CHD9: variants seen among roughly 807,000 people sequenced by gnomAD.
CHD9 encodes the protein ATP-dependent chromatin remodeler CHD9.
CHD9 carries 77 observed loss-of-function variants against 316.1 expected under a neutral mutation model. That is an observed-to-expected ratio of 0.24 (90% CI 0.20 to 0.29). CHD9 has a LOEUF of 0.29. CHD9 is among the 10% of genes least tolerant of loss of function. The probability of loss-of-function intolerance (pLI) is 1.00; values close to 1 mark genes in which losing one functional copy is unlikely to be tolerated. For missense variants in CHD9, 2,763 were observed against 3,438.1 expected (o/e 0.80, Z 4.91); for synonymous variants, 1,129 against 1,158.3 (o/e 0.97, Z 0.51).
intron 1 of CHD9, among the ~76,000 whole-genome samples, chr16:53,082,200 TTTTATTTATTTATTTATTTATTTA>T (rs142613847): frequency 1.8e-4 from 25 of 140,984 alleles, no homozygotes; most frequent in Admixed American, 7.8e-4. Context: ...CAGGAGAACA[TTTTATTTATTTATTTATTTATTTA>T]TTTATTTATT....
At chr16:53,100,219 C>G (rs2036734948) in intron 1 of CHD9, among the ~76,000 whole-genome samples, 1 of 152,184 alleles carries the variant, frequency 6.6e-6, no homozygotes, top group African/African-American at 2.4e-5. Flanking sequence ...GGACCGAATT[C>G]CCATTCCCAA....
intron 2 of CHD9, among the ~76,000 whole-genome samples, chr16:53,205,176 G>A (rs374771179): frequency 1.3e-5 from 2 of 152,116 alleles, no homozygotes; most frequent in Admixed American, 6.5e-5. Context: ...GGGGAGCAAG[G>A]CCTGTGACTT....
rs746510251 is a variant in CHD9, at chr16:53,255,747, G to A, written c.4177G>A (p.Glu1393Lys). The A allele has an allele frequency of 6.2e-7, 1 of 1,613,820 alleles. No homozygotes were observed. Among genetic ancestry groups the A allele is most frequent in the Non-Finnish European group, 8.5e-7 (1 of 1,179,802 alleles). ...LLRRTKTITIESEGRGSTFAK... is the reference protein window; with the variant it reads ...LLRRTKTITIKSEGRGSTFAK... ...ACGTCGTACAAAAACTATTACAATT[G>A]AATCAGAAGGACGTGGGTCAACATT... The change falls in exon 19 of 39, where the codon GAA becomes AAA. Residue 1393 changes from glutamate to lysine, a missense_variant. Around this residue, in one of 15 missense-constraint regions of CHD9, gnomAD observed 199 missense variants for 251.7 expected, o/e 0.79. Transcript: ENST00000447540.
intron 24 of CHD9, among the ~76,000 whole-genome samples, chr16:53,276,382 C>T (rs2052822569): frequency 1.3e-5 from 2 of 152,178 alleles, no homozygotes; most frequent in Non-Finnish European, 2.9e-5. Flanking sequence ...TACTGTTTAA[C>T]TGTTGTGGCT....
At chr16:53,225,994 A>G (rs1448251335) in intron 4 of CHD9, among the ~76,000 whole-genome samples, 2 of 152,132 alleles carry the variant, frequency 1.3e-5, no homozygotes, top group Non-Finnish European at 2.9e-5. Flanking sequence ...ATTCTTAACA[A>G]TAGTTTCTAA....
chr16:53,061,801 C>T (rs2032938212), intron 1 of CHD9, among the ~76,000 whole-genome samples: 1 of 152,170 alleles, frequency 6.6e-6, no homozygotes, highest in Non-Finnish European at 1.5e-5. Flanking sequence ...GAAATGTCTG[C>T]AGGTAACCTC....
At position 53,324,543 on chromosome 16, in the gene CHD9, C is replaced by G; in HGVS notation, c.8342C>G (p.Ala2781Gly). 1.2e-6 allele frequency: 2 copies of G among 1,613,676 alleles called. No individual in the cohort carries two copies. Among genetic ancestry groups the G allele is most frequent in the Non-Finnish European group, 1.7e-6 (2 of 1,179,638 alleles). The change falls in exon 39 of 39, where the codon GCA (alanine) becomes GGA (glycine). Residue 2781 changes from alanine (A) to glycine (G), a missense_variant. Coordinates refer to ENST00000447540, the MANE Select transcript of CHD9 (RefSeq NM_001308319.2). Reference sequence around the variant, plus strand: ...TCTCCTTCCACATCCTCTACTGCTGCATTAAATACAGCTGCAGCTGCCAAC... The same window carrying G: ...TCTCCTTCCACATCCTCTACTGCTGGATTAAATACAGCTGCAGCTGCCAAC... ...SSSPSTSSTA[A>G]LNTAAAANPL...
At chr16:53,238,076 A>G (rs2048783768) in intron 11 of CHD9, among the ~76,000 whole-genome samples, 1 of 152,188 alleles carries the variant, frequency 6.6e-6, no homozygotes, top group South Asian at 2.1e-4. Flanking sequence ...CAAATAATAT[A>G]TTGAGTTGGC....
chr16:53,260,078 A>G (rs751399435), intron 19 of CHD9, among the ~76,000 whole-genome samples: 2 of 152,148 alleles, frequency 1.3e-5, no homozygotes, highest in African/African-American at 2.4e-5. Context: ...TGTTCCTCAT[A>G]CTCATTTATA....
chr16:53,087,939 G>C (rs879499630), intron 1 of CHD9, among the ~76,000 whole-genome samples: 12 of 148,502 alleles, frequency 8.1e-5, no homozygotes, highest in African/African-American at 2.3e-4. Context: ...CAGAGCAAGA[G>C]TCTGTCTCAA....
chr16:53,065,652 A>AAAAAG (rs1417542067), intron 1 of CHD9, among the ~76,000 whole-genome samples: 1 of 150,942 alleles, frequency 6.6e-6, no homozygotes, highest in South Asian at 2.1e-4. Flanking sequence ...AAAAAAAAAA[A>AAAAAG]AAAAAAGGAA....
At chr16:53,303,158 G>A (rs1027678578) in intron 30 of CHD9, among the ~76,000 whole-genome samples, 4 of 149,430 alleles carry the variant, frequency 2.7e-5, no homozygotes, top group Non-Finnish European at 4.4e-5. Flanking sequence ...TCACAAATTC[G>A]TAAACTTTCT....
At chr16:53,061,334 T>C (rs777768115) in intron 1 of CHD9, among the ~76,000 whole-genome samples, 4 of 152,214 alleles carry the variant, frequency 2.6e-5, no homozygotes, top group Admixed American at 1.3e-4. Flanking sequence ...TGAATCTCCA[T>C]TGAACATTGT....
chr16:53,218,531 A>G (rs2046963250), intron 3 of CHD9, among the ~76,000 whole-genome samples: 1 of 152,154 alleles, frequency 6.6e-6, no homozygotes, highest in African/African-American at 2.4e-5. Flanking sequence ...TCCTTAGAGA[A>G]TCTTCATTTA....
intron 1 of CHD9, among the ~76,000 whole-genome samples, chr16:53,113,861 C>T (rs949487939): frequency 2.0e-5 from 3 of 151,972 alleles, no homozygotes; most frequent in Admixed American, 6.6e-5. Flanking sequence ...TGCACCACCA[C>T]GCCTGGCTAT....
intron 10 of CHD9, among the ~76,000 whole-genome samples, chr16:53,232,391 G>T (rs1391228465): frequency 1.3e-5 from 2 of 152,072 alleles, no homozygotes; most frequent in African/African-American, 2.4e-5. Flanking sequence ...ATCTCTTCTG[G>T]AGCTTTTCAA....
At chr16:53,057,186 T>C (rs1253232241) in intron 1 of CHD9, among the ~76,000 whole-genome samples, 1 of 151,742 alleles carries the variant, frequency 6.6e-6, no homozygotes, top group Non-Finnish European at 1.5e-5. Context: ...TTTAAAAAAA[T>C]ATGTTTGTGG....
chr16:53,252,647 A>G (rs1353794934), intron 17 of CHD9, among the ~76,000 whole-genome samples: 1 of 151,678 alleles, frequency 6.6e-6, no homozygotes, highest in Admixed American at 6.6e-5. Flanking sequence ...CACAATCTGT[A>G]CTTCTGACCA....
At position 53,231,635 on chromosome 16, in the gene CHD9, AT is replaced by A. The variant is rs905621299; in HGVS notation, c.2374-5del. On this transcript the variant is annotated splice_polypyrimidine_tract_variant and intron_variant, in intron 9 of 38. Coordinates refer to ENST00000447540, the MANE Select transcript of CHD9 (RefSeq NM_001308319.2). ...CTTTTTCAAAATGGTAAATGAAAAA[AT>A]TTTTTTACAGCCTGTTATTTACTAC... 6.4e-7 allele frequency: 1 copy of A among 1,553,022 alleles called. No homozygotes were observed. The highest frequency in any genetic ancestry group is 8.7e-7 in the Non-Finnish European group (1 of 1,147,916).
Sources: gnomAD v4.1 joint callset for allele counts (sites outside exome capture counted in the v4.1 genomes callset) on GRCh38, gnomAD v4.1.1 for gene constraint, gnomAD v4.1.1 regional missense constraint, MANE v1.5 for transcripts, NCBI Gene and HGNC (gene_info 2026-07-23, HGNC 2026-07-21) for gene names.